The following AKAP11 variants were observed in gnomAD, a reference collection of about 807,000 sequenced individuals.
The protein encoded by AKAP11 is A-kinase anchoring protein 11, also known as A-kinase anchor protein 11.
In AKAP11, 36 loss-of-function variants were observed where a neutral mutation model predicts 146.1. The ratio of observed to expected loss-of-function variants is 0.25; its 90% confidence interval spans 0.19 to 0.33. The LOEUF (loss-of-function observed/expected upper bound fraction) is 0.33, where lower values mean the gene tolerates loss of function less well. Ranked by LOEUF, AKAP11 falls within the 10% of genes least tolerant of loss-of-function variation. The pLI, the probability that AKAP11 is intolerant of heterozygous loss-of-function variation, is 1.00. For synonymous variants in AKAP11, 780 were observed against 786.5 expected (o/e 0.99, Z 0.14); for missense variants, 2,201 against 2,197.0 (o/e 1.00, Z -0.04).
Position 42,301,997 on chromosome 13 carries a change from A to G in AKAP11, c.3251A>G (p.His1084Arg), listed in dbSNP as rs1959947824. ...GCACTTACCTGTGTAGATGGTTTGC[A>G]TGTGGAAGATAAACAGAAAGTCAGA... The part of the protein sequence containing the change: ...STALTCVDGL[H>R]VEDKQKVRDR... Residue 1084 changes from histidine to arginine, a missense_variant, in exon 8 of 13, where the codon CAT becomes CGT. Coordinates refer to ENST00000025301, the MANE Select transcript of AKAP11 (RefSeq NM_016248.4). 3 of 1,613,678 alleles carry G rather than the reference A, an allele frequency of 1.9e-6. No individual in the cohort carries two copies. The African/African-American group carries it at 4.0e-5, about 22-fold the overall frequency.
chr13:42,273,505 T>C (rs1237863308), intron 1 of AKAP11, among the ~76,000 whole-genome samples: 5 of 152,072 alleles, frequency 3.3e-5, no homozygotes, highest in Non-Finnish European at 7.4e-5. Flanking sequence ...TTATGAAAGG[T>C]CAAAGAATGT....
In AKAP11 at chr13:42,283,478, T is replaced by TC. The variant is rs1555288026; in HGVS notation, c.-99-2508_-99-2507insC. Reference sequence around the variant, plus strand: ...TTCCATTTGCTTTATTATTCAATCTTGAATAAGGGTGTTTTATCTGGATCT... The same window carrying TC: ...TTCCATTTGCTTTATTATTCAATCTTCGAATAAGGGTGTTTTATCTGGATCT... On this transcript the variant is annotated intron_variant, in intron 1 of 12. Transcript: ENST00000025301. 1.4e-4 allele frequency among the ~76,000 whole-genome samples: 22 copies of TC among 152,342 alleles called. No homozygotes were observed. The South Asian group carries it at 1.5e-3, about 10-fold the overall frequency.
At chr13:42,272,675 A>T (rs1156670956) in intron 1 of AKAP11, among the ~76,000 whole-genome samples, 2 of 152,178 alleles carry the variant, frequency 1.3e-5, no homozygotes, top group Admixed American at 6.5e-5. Context: ...GTTCCCGAAC[A>T]GCATCCTTCA....
At position 42,304,305 on chromosome 13, in the gene AKAP11, A is replaced by G. The variant is rs146175053; in HGVS notation, c.5117+442A>G. 1.9e-3 allele frequency among the ~76,000 whole-genome samples: 292 copies of G among 152,334 alleles called. 2 individuals are homozygous for G. Among genetic ancestry groups the G allele is most frequent in the Admixed American group, 8.2e-3 (126 of 15,298 alleles). ...GTTCTGAGTAGCATGATGAAGTCTCACACCATCTCACTCAGGATGTGAATT... is the reference window on the plus strand; with the variant it reads ...GTTCTGAGTAGCATGATGAAGTCTCGCACCATCTCACTCAGGATGTGAATT... On this transcript the variant is annotated intron_variant, in intron 8 of 12. Transcript: ENST00000025301.
chr13:42,316,957 A>G (rs968517849), intron 11 of AKAP11, among the ~76,000 whole-genome samples: 1 of 152,118 alleles, frequency 6.6e-6, no homozygotes, highest in Non-Finnish European at 1.5e-5. Flanking sequence ...GGATCACTGC[A>G]ACCTCTGCCT....
At chr13:42,289,000 G>A (rs902586775) in intron 3 of AKAP11, among the ~76,000 whole-genome samples, 2 of 152,108 alleles carry the variant, frequency 1.3e-5, no homozygotes, top group Non-Finnish European at 2.9e-5. Flanking sequence ...AGTTGACTAA[G>A]GTGATAACCC....
intron 1 of AKAP11, among the ~76,000 whole-genome samples, chr13:42,273,568 G>T (rs1032931312): frequency 6.6e-6 from 1 of 152,150 alleles, no homozygotes; most frequent in Non-Finnish European, 1.5e-5. Flanking sequence ...ACTAATGTAT[G>T]TACCCACATA....
At position 42,300,491 on chromosome 13, in the gene AKAP11, A is replaced by G; in HGVS notation, c.1745A>G (p.His582Arg). The G allele has an allele frequency of 6.2e-7, 1 of 1,614,116 alleles. No individual in the cohort carries two copies. Among genetic ancestry groups the G allele is most frequent in the Non-Finnish European group, 8.5e-7 (1 of 1,179,966 alleles). ...TCTTCATGTACCAATGCTTTGTACC[A>G]CTTAGCCATCAAATTGACATCATCT... ...GVSSCTNALY[H>R]LAIKLTSSVL... The change falls in exon 8 of 13, where the codon CAC (histidine) becomes CGC (arginine). Residue 582 changes from histidine to arginine, a missense_variant. His to Arg is a conservative substitution (Grantham distance 29). This residue lies in a region of AKAP11 where 1,867 missense variants were observed against 1,833.5 expected (regional missense o/e 1.02). Coordinates refer to ENST00000025301, the MANE Select transcript of AKAP11 (RefSeq NM_016248.4).
At chr13:42,314,052 T>G in intron 11 of AKAP11, 112 bp downstream of exon 11, 1 of 1,021,542 alleles carries the variant, frequency 9.8e-7, no homozygotes, top group Non-Finnish European at 1.4e-6. Context: ...TAAAACATTA[T>G]AAATCAGGGT....
rs761864186 is a variant in AKAP11, at chr13:42,301,182, A to C, written c.2436A>C (p.Ser812=). 4.3e-6 allele frequency: 7 copies of C among 1,614,120 alleles called. No individual in the cohort carries two copies. The highest frequency in any genetic ancestry group is 2.5e-6 in the Non-Finnish European group (3 of 1,179,974). ...ATCTGTCATCTGATGATAGTAATTC[A>C]AATGGTGATTCTGCCCAAGTGCATA... ...KAHLSSDDSN[S]NGDSAQVHIA... is the part of the protein sequence containing the mutation. Residue 812 remains serine (S), a synonymous_variant, in exon 8 of 13, where the codon TCA becomes TCC. Transcript: ENST00000025301.
rs1255322736 is a variant in AKAP11, at chr13:42,286,497, CTTATTAT to C, written c.51+101_51+107del. ...GCTATGATGTTTTGTTTAAATGAAT[CTTATTAT>C]TTGAATTAGTAACATTGAACTACTG... On this transcript the variant is annotated intron_variant, in intron 3 of 12. Transcript: ENST00000025301. 7 of 850,224 alleles carry C rather than the reference CTTATTAT, an allele frequency of 8.2e-6. No homozygotes were observed. In the African/African-American group the frequency reaches 1.1e-4, roughly 13 times the overall value. The allele number at this position is 850,224 out of a possible 1,614,324, so 52.7% of individuals were successfully genotyped here. A position where few individuals can be genotyped will look rare whatever the true frequency, so the allele number is the denominator to read the frequency against.
Position 42,299,377 on chromosome 13 carries a change from G to C in AKAP11, c.631G>C (p.Val211Leu). ...TTTTCCTATAGGAATGAACATTACTGTGCTAAGGAGCCAGTGTGATGCTGC... is the reference window on the plus strand; with the variant it reads ...TTTTCCTATAGGAATGAACATTACTCTGCTAAGGAGCCAGTGTGATGCTGC... Reference protein sequence around the residue: ...KPYNDGMNITVLRSQCDAASQ... With the variant: ...KPYNDGMNITLLRSQCDAASQ... Residue 211 changes from valine (V) to leucine (L), a missense_variant, in exon 8 of 13, where the codon GTG becomes CTG. Coordinates refer to ENST00000025301, the MANE Select transcript of AKAP11 (RefSeq NM_016248.4). 2 of 1,612,680 alleles carry C rather than the reference G, an allele frequency of 1.2e-6. No homozygotes were observed. The highest frequency in any genetic ancestry group is 8.5e-7 in the Non-Finnish European group (1 of 1,179,400).
At chr13:42,311,659 G>A (rs1424996818) in intron 9 of AKAP11, among the ~76,000 whole-genome samples, 1 of 152,110 alleles carries the variant, frequency 6.6e-6, no homozygotes, top group South Asian at 2.1e-4. Context: ...GAATCTGTGT[G>A]ATGGGTAGAA....
intron 11 of AKAP11, among the ~76,000 whole-genome samples, chr13:42,316,427 G>A (rs142819759): frequency 8.7e-4 from 132 of 152,174 alleles, no homozygotes; most frequent in African/African-American, 3.1e-3. Context: ...AATGTTAAAC[G>A]CATGATATTG....
intron 12 of AKAP11, among the ~76,000 whole-genome samples, chr13:42,318,644 G>A (rs2138727831): frequency 6.6e-6 from 1 of 152,286 alleles, no homozygotes; most frequent in Admixed American, 6.5e-5. Context: ...TGAGGCTAGA[G>A]TGTGTATTCC....
Position 42,303,382 on chromosome 13 carries a change from A to G in AKAP11, c.4636A>G (p.Lys1546Glu). The change falls in exon 8 of 13, where the codon AAA (lysine) becomes GAA (glutamate). Residue 1546 changes from lysine to glutamate, a missense_variant. By Grantham distance (56) the Lys-to-Glu change is moderately conservative. This residue lies in a region of AKAP11 where 1,867 missense variants were observed against 1,833.5 expected (regional missense o/e 1.02). Coordinates refer to ENST00000025301, the MANE Select transcript of AKAP11 (RefSeq NM_016248.4). ...VVQAVEQYAK[K>E]VVDDTLELTL... ...TCAAGCTGTAGAACAGTATGCCAAA[A>G]AAGTAGTGGATGACACTCTAGAGCT... is the stretch of plus-strand genomic sequence containing the variant. The G allele has an allele frequency of 1.2e-6, 2 of 1,613,744 alleles. No homozygotes were observed. The highest frequency in any genetic ancestry group is 1.7e-6 in the Non-Finnish European group (2 of 1,180,028).
rs1412504192 is a variant in AKAP11 at position 42,319,944 on chromosome 13, TG to T, written c.*717del. 2 of 145,462 alleles carry T rather than the reference TG, an allele frequency of 1.4e-5. No individual in the cohort carries two copies. Among genetic ancestry groups the T allele is most frequent in the African/African-American group, 2.5e-5 (1 of 40,592 alleles). 9.0% of individuals were successfully genotyped at this position (145,462 alleles called of 1,614,324 possible). Reference sequence around the variant, plus strand: ...GTGTGTGTGTGTGTGTGTGTGTGTGTGTGTGTAAGGGAGTACTTTAACCTTG... The same window carrying T: ...GTGTGTGTGTGTGTGTGTGTGTGTGTTGTGTAAGGGAGTACTTTAACCTTG... On this transcript the variant is annotated 3_prime_UTR_variant, in exon 13 of 13. Transcript: ENST00000025301.
chr13:42,300,857 A>G lies in AKAP11; in HGVS notation c.2111A>G (p.Glu704Gly). Residue 704 changes from glutamate (E) to glycine (G), a missense_variant, in exon 8 of 13, where the codon GAG becomes GGG. Transcript: ENST00000025301. ...SESVIQEAFIELSQVDVTFTT... is the reference protein window; with the variant it reads ...SESVIQEAFIGLSQVDVTFTT... ...TCTGTAATACAGGAAGCATTCATTG[A>G]GCTATCACAAGTTGATGTGACCTTT... 6.2e-7 allele frequency: 1 copy of G among 1,614,152 alleles called. No individual in the cohort carries two copies. The highest frequency in any genetic ancestry group is 2.2e-5 in the East Asian group (1 of 44,890).
Position 42,273,942 on chromosome 13 carries a change from T to C in AKAP11, c.-100+1714T>C, listed in dbSNP as rs559671930. On this transcript the variant is annotated intron_variant, in intron 1 of 12. Coordinates refer to ENST00000025301, the MANE Select transcript of AKAP11 (RefSeq NM_016248.4). Reference sequence around the variant, plus strand: ...TATACGTGACAAAAATGTGAAAGACTTAGAAAATATCTCTTTGTGAATGGG... The same window carrying C: ...TATACGTGACAAAAATGTGAAAGACCTAGAAAATATCTCTTTGTGAATGGG... Among the ~76,000 whole-genome samples, 496 of 152,312 alleles carry C rather than the reference T, an allele frequency of 3.3e-3. 2 individuals carry two copies. Among genetic ancestry groups the C allele is most frequent in the Admixed American group, 5.6e-3 (86 of 15,300 alleles).
Sources: gnomAD v4.1 joint callset for allele counts (sites outside exome capture counted in the v4.1 genomes callset) on GRCh38, gnomAD v4.1.1 for gene constraint, gnomAD v4.1.1 regional missense constraint, MANE v1.5 for transcripts, NCBI Gene and HGNC (gene_info 2026-07-23, HGNC 2026-07-21) for gene names.